The following EVI5 variants were observed in gnomAD, a reference collection of about 807,000 sequenced individuals.
The protein encoded by EVI5 is ecotropic viral integration site 5 protein homolog.
A neutral mutation model predicts 112.0 loss-of-function variants in EVI5; 73 were observed. The ratio of observed to expected loss-of-function variants is 0.65; its 90% CI spans 0.54 to 0.79. EVI5 has a LOEUF of 0.79. EVI5 is among the 30% of genes least tolerant of loss of function. The pLI is 0.00. For missense variants in EVI5, 900 were observed against 968.8 expected (o/e 0.93, Z 0.94); for synonymous variants, 305 against 319.9 (o/e 0.95, Z 0.50).
chr1:92,774,712 A>G (rs2103063345), intron 1 of EVI5, among the ~76,000 whole-genome samples: 1 of 152,344 alleles, frequency 6.6e-6, no homozygotes, highest in Admixed American at 6.5e-5. Flanking sequence ...ACTTTAGGGA[A>G]CACTTTTCAG....
At chr1:92,675,710 A>T (rs1351352721) in intron 10 of EVI5, among the ~76,000 whole-genome samples, 1 of 152,096 alleles carries the variant, frequency 6.6e-6, no homozygotes, top group Non-Finnish European at 1.5e-5. Flanking sequence ...TAATCCTAGC[A>T]CTTTGGGAGG....
chr1:92,626,009 G>T, intron 14 of EVI5, 75 bp from the exon 15 acceptor site: 1 of 846,068 alleles, frequency 1.2e-6, no homozygotes, highest in Non-Finnish European at 1.9e-6. Flanking sequence ...CAGCTATTGT[G>T]TTCCACACTT....
chr1:92,596,745 CCACCA>C (rs1647992261), intron 18 of EVI5, among the ~76,000 whole-genome samples: 1 of 152,188 alleles, frequency 6.6e-6, no homozygotes, highest in East Asian at 1.9e-4. Flanking sequence ...CAGGTGTGAG[CCACCA>C]CACCTGGCCC....
At chr1:92,631,535 C>G (rs1386870887) in intron 14 of EVI5, among the ~76,000 whole-genome samples, 1 of 152,092 alleles carries the variant, frequency 6.6e-6, no homozygotes, top group African/African-American at 2.4e-5. Flanking sequence ...GATTTTGTAT[C>G]CTGAGACTTT....
Position 92,613,380 on chromosome 1 carries a change from C to A in EVI5, c.1828-5653G>T, listed in dbSNP as rs528989106. Reference sequence around the variant, plus strand: ...ATGGTGCGACCTTGGCTCACTGCAACCTCTGCCTCCCAGGTTCAAGTGATT... The same window carrying A: ...ATGGTGCGACCTTGGCTCACTGCAAACTCTGCCTCCCAGGTTCAAGTGATT... On this transcript the variant is annotated intron_variant, in intron 16 of 19. Transcript: ENST00000684568. Among the ~76,000 whole-genome samples, 3 of 152,182 alleles carry A rather than the reference C, an allele frequency of 2.0e-5. No homozygotes were observed. The East Asian group carries it at 5.8e-4, about 29-fold the overall frequency.
At chr1:92,602,001 G>A (rs1319617247) in intron 18 of EVI5, among the ~76,000 whole-genome samples, 1 of 152,140 alleles carries the variant, frequency 6.6e-6, no homozygotes, top group Admixed American at 6.6e-5. Context: ...AATATATTAT[G>A]CAGTTGGCTC....
chr1:92,607,780 A>T (rs1156577857), intron 16 of EVI5, 53 bp from the exon 17 acceptor site: 16 of 1,236,404 alleles, frequency 1.3e-5, no homozygotes, highest in Middle Eastern at 2.0e-4. Flanking sequence ...CCTAAAAATT[A>T]AAAAAAATTA....
chr1:92,743,046 T>G (rs1030800811), intron 1 of EVI5, among the ~76,000 whole-genome samples: 1 of 152,180 alleles, frequency 6.6e-6, no homozygotes, highest in Non-Finnish European at 1.5e-5. Context: ...CAATGGACTA[T>G]TATTCAGCCT....
chr1:92,518,451 G>C (rs535071311), intron 19 of EVI5, among the ~76,000 whole-genome samples: 3 of 152,032 alleles, frequency 2.0e-5, no homozygotes, highest in African/African-American at 7.2e-5. Flanking sequence ...CCTATCTGAG[G>C]GAATCTGGGA....
At chr1:92,728,678 G>A (rs1050797143) in intron 2 of EVI5, among the ~76,000 whole-genome samples, 6 of 152,124 alleles carry the variant, frequency 3.9e-5, no homozygotes, top group Non-Finnish European at 8.8e-5. Flanking sequence ...ATGAGCCACC[G>A]GGCCCAGCGA....
chr1:92,698,088 G>C, intron 5 of EVI5, 103 bp from the exon 6 acceptor site: 2 of 1,024,936 alleles, frequency 2.0e-6, no homozygotes, highest in Non-Finnish European at 2.9e-6. Context: ...AACATTGTTT[G>C]AGTGGCTGTG....
chr1:92,745,762 T>C (rs892465915), intron 1 of EVI5, among the ~76,000 whole-genome samples: 10 of 152,102 alleles, frequency 6.6e-5, no homozygotes, highest in Admixed American at 4.6e-4. Flanking sequence ...GCCATGATTA[T>C]GCCACTGCAC....
At chr1:92,699,118 G>A (rs1407206923) in intron 5 of EVI5, among the ~76,000 whole-genome samples, 2 of 152,054 alleles carry the variant, frequency 1.3e-5, no homozygotes, top group Non-Finnish European at 2.9e-5. Context: ...ACACAGCCAC[G>A]GACAGGGGGC....
intron 18 of EVI5, among the ~76,000 whole-genome samples, chr1:92,598,056 T>G (rs1426709387): frequency 6.6e-6 from 1 of 152,092 alleles, no homozygotes. Context: ...GAGACCTTTT[T>G]TTTGAAACAG....
chr1:92,634,922 G>A (rs956493211), intron 14 of EVI5, among the ~76,000 whole-genome samples: 2 of 152,244 alleles, frequency 1.3e-5, no homozygotes, highest in African/African-American at 4.8e-5. Flanking sequence ...CTGCAAGTCT[G>A]TTGGAGTTTG....
At chr1:92,664,709 G>C (rs901161254) in intron 11 of EVI5, among the ~76,000 whole-genome samples, 1 of 152,156 alleles carries the variant, frequency 6.6e-6, no homozygotes, top group Non-Finnish European at 1.5e-5. Context: ...AACAAAGGCA[G>C]ACATGTAATA....
intron 19 of EVI5, among the ~76,000 whole-genome samples, chr1:92,538,873 T>C (rs1664311043): frequency 6.6e-6 from 1 of 152,174 alleles, no homozygotes; most frequent in South Asian, 2.1e-4. Flanking sequence ...TGGTTTGGTG[T>C]GGCTGGATAT....
chr1:92,520,319 G>A (rs112489395), intron 19 of EVI5, among the ~76,000 whole-genome samples: 1 of 152,094 alleles, frequency 6.6e-6, no homozygotes, highest in Non-Finnish European at 1.5e-5. Flanking sequence ...TTCCAGAAGA[G>A]AGGCCTGAGA....
chr1:92,748,009 T>C (rs974411569), intron 1 of EVI5, among the ~76,000 whole-genome samples: 7 of 152,072 alleles, frequency 4.6e-5, no homozygotes, highest in African/African-American at 1.4e-4. Context: ...TGTTTCCAAA[T>C]AAAGTCACAT....
Sources: gnomAD v4.1 joint callset for allele counts (sites outside exome capture counted in the v4.1 genomes callset) on GRCh38, gnomAD v4.1.1 for gene constraint, MANE v1.5 for transcripts, NCBI Gene and HGNC (gene_info 2026-07-23, HGNC 2026-07-21) for gene names.